The following KRT6C variants were observed in gnomAD, a reference collection of about 807,000 sequenced individuals.
KRT6C encodes keratin 6C.
KRT6C carries 46 observed loss-of-function variants against 49.4 expected under a neutral mutation model. The observed-to-expected ratio is 0.93, with a 90% confidence interval of 0.74 to 1.19. The LOEUF (loss-of-function observed/expected upper bound fraction) is 1.19. Among genes scored for constraint, KRT6C ranks in the 50% most tolerant of loss-of-function variants. The pLI is 0.00. For missense variants in KRT6C, 552 were observed against 737.5 expected (o/e 0.75, Z 2.91); for synonymous variants, 236 against 297.1 (o/e 0.79, Z 2.12).
rs532320680 is a variant in KRT6C, at chr12:52,472,268, C to T, written c.553G>A (p.Glu185Lys). Reference protein sequence around the residue: ...ASFIDKVRFLEQQNKVLDTKW... With the variant: ...ASFIDKVRFLKQQNKVLDTKW... ...GTGTCCAGAACCTTGTTCTGCTGCT[C>T]TAGGAACCGCACCTGGAAGGGAAGC... Residue 185 changes from glutamate (E) to lysine (K), a missense_variant, in exon 2 of 9, where the codon GAG becomes AAG. Glu to Lys is a moderately conservative substitution (Grantham distance 56). Coordinates refer to ENST00000252250, the MANE Select transcript of KRT6C (RefSeq NM_173086.5). 2.8e-6 allele frequency: 4 copies of T among 1,412,778 alleles called. 1 individual carries two copies. The highest frequency in any genetic ancestry group is 3.9e-6 in the Non-Finnish European group (4 of 1,023,244). The allele number at this position is 1,412,778 out of a possible 1,614,324, so 87.5% of individuals were successfully genotyped here. A position where few individuals can be genotyped will look rare whatever the true frequency, so the allele number is the denominator to read the frequency against.
chr12:52,471,010 G>A, intron 5 of KRT6C, 122 bp downstream of exon 5: 3 of 1,503,616 alleles, frequency 2.0e-6, no homozygotes, highest in Non-Finnish European at 2.8e-6. Flanking sequence ...ATAGTGCAGA[G>A]TGCATGTCCT....
Position 52,471,448 on chromosome 12 carries a change from G to C in KRT6C, c.885C>G (p.Ile295Met), listed in dbSNP as rs779013615. Residue 295 changes from isoleucine to methionine, a missense_variant, in exon 4 of 9, where the codon ATC becomes ATG. Physicochemically the swap from Ile to Met is conservative, Grantham distance 10 (BLOSUM62 1). Coordinates refer to ENST00000252250, the MANE Select transcript of KRT6C (RefSeq NM_173086.5). ...QAKADTLTDE[I>M]NFLRALYDAE... ...CATCATACAAGGCTCTCAGGAAGTT[G>C]ATCTCATCTGTGAGAGTGTCTGCCT... 6.2e-6 allele frequency: 10 copies of C among 1,613,824 alleles called. No individual in the cohort carries two copies. Among genetic ancestry groups the C allele is most frequent in the Non-Finnish European group, 8.5e-6 (10 of 1,179,902 alleles).
At chr12:52,470,107 C>G in intron 6 of KRT6C, 1 of 661,044 alleles carries the variant, frequency 1.5e-6, no homozygotes. Context: ...TGAGAATGTG[C>G]GTTGCATCTT....
intron 5 of KRT6C, among the ~76,000 whole-genome samples, 174 bp from the exon 6 acceptor site, chr12:52,470,804 C>T (rs74093592): frequency 0.016 from 2,395 of 152,118 alleles, 39 homozygotes; most frequent in African/African-American, 0.043. Context: ...GAGTCACAGA[C>T]GATCCTCATT....
chr12:52,469,830 C>G lies in KRT6C; in HGVS notation c.1264G>C (p.Asp422His), dbSNP rs777631485. Residue 422 changes from aspartate to histidine, a missense_variant, in exon 7 of 9, where the codon GAT (aspartate) becomes CAT (histidine). Transcript: ENST00000252250. ...AEQRGEMALK[D>H]AKNKLEGLED... is the part of the protein sequence containing the mutation. The stretch of plus-strand genomic sequence containing the variant: ...AGCCCTTCCAGCTTGTTCTTAGCAT[C>G]CTTGAGTGCCATCTCCCCACGCTGC... 1.2e-5 allele frequency: 19 copies of G among 1,614,110 alleles called. No individual in the cohort carries two copies. Among genetic ancestry groups the G allele is most frequent in the Non-Finnish European group, 1.6e-5 (19 of 1,179,990 alleles).
rs1241759879 is a variant in KRT6C at position 52,471,473 on chromosome 12, T to G, written c.860A>C (p.Lys287Thr). ...AYMNKVELQA[K>T]ADTLTDEINF... is the part of the protein sequence containing the mutation. ...GATCTCATCTGTGAGAGTGTCTGCC[T>G]TGGCTTGCAGTTCAACCTTGTTCAT... Residue 287 changes from lysine to threonine, a missense_variant, in exon 4 of 9, where the codon AAG (lysine) becomes ACG (threonine). Around this residue, in one of 3 missense-constraint regions of KRT6C, gnomAD observed 425 missense variants for 439.4 expected, o/e 0.97. Coordinates refer to ENST00000252250, the MANE Select transcript of KRT6C (RefSeq NM_173086.5). The G allele has an allele frequency of 6.2e-7, 1 of 1,613,778 alleles. No homozygotes were observed. Among genetic ancestry groups the G allele is most frequent in the Non-Finnish European group, 8.5e-7 (1 of 1,179,894 alleles).
At chr12:52,472,733 T>G (rs1377724829) in intron 1 of KRT6C, among the ~76,000 whole-genome samples, 1 of 136,860 alleles carries the variant, frequency 7.3e-6, no homozygotes, top group Admixed American at 7.3e-5. Context: ...TTCTCTGTTT[T>G]TAAAATTAAT....
intron 6 of KRT6C, chr12:52,470,158 A>C (rs1274071210): frequency 4.9e-6 from 3 of 609,170 alleles, no homozygotes; most frequent in Non-Finnish European, 8.6e-6. Context: ...AGCCATATGG[A>C]AGATGAATGC....
At chr12:52,469,947 C>T in intron 6 of KRT6C, 57 bp from the exon 7 acceptor site, 1 of 1,600,742 alleles carries the variant, frequency 6.2e-7, no homozygotes. Flanking sequence ...AGGAGGCTGG[C>T]CCTTGTTTAG....
In KRT6C at chr12:52,469,125, G is replaced by A. The variant is rs535062636; in HGVS notation, c.1632C>T (p.Gly544=). ...TGGTGTACTTGATGGTGGAACTGCC[G>A]CCTCCAACAGAGCTGAGGCCACCCC... ...AIGGGLSSVG[G]GSSTIKYTTT... Residue 544 remains glycine, a synonymous_variant, in exon 9 of 9, where the codon GGC becomes GGT. Transcript: ENST00000252250. The A allele has an allele frequency of 2.5e-4, 406 of 1,614,010 alleles. 2 individuals carry two copies. The highest frequency in any genetic ancestry group is 1.7e-3 in the South Asian group (154 of 91,066).
At chr12:52,469,982 A>C in intron 6 of KRT6C, 92 bp from the exon 7 acceptor site, 1 of 1,379,008 alleles carries the variant, frequency 7.3e-7, no homozygotes, top group Non-Finnish European at 1.0e-6. Context: ...GTAACCCAAA[A>C]TTGACAGAGA....
intron 2 of KRT6C, 73 bp from the exon 3 acceptor site, chr12:52,471,805 A>G: frequency 6.5e-7 from 1 of 1,535,142 alleles, no homozygotes; most frequent in Non-Finnish European, 9.0e-7. Context: ...TTGGGATTCA[A>G]CAATTTCCTG....
At position 52,472,088 on chromosome 12, in the gene KRT6C, G is replaced by T. The variant is rs138196052; in HGVS notation, c.733C>A (p.Leu245Met). 184 of 1,597,762 alleles carry T rather than the reference G, an allele frequency of 1.2e-4. 2 individuals carry two copies. Among genetic ancestry groups the T allele is most frequent in the South Asian group, 2.3e-4 (21 of 90,714 alleles). Residue 245 changes from leucine (L) to methionine (M), a missense_variant, in exon 2 of 9, where the codon CTG becomes ATG. Physicochemically the swap from Leu to Met is conservative, Grantham distance 15 (BLOSUM62 2). Around this residue, in one of 3 missense-constraint regions of KRT6C, gnomAD observed 425 missense variants for 439.4 expected, o/e 0.97. Coordinates refer to ENST00000252250, the MANE Select transcript of KRT6C (RefSeq NM_173086.5). ...LDSELRNMQD[L>M]VEDLKNKYED... Reference sequence around the variant, plus strand: ...CACTTGTTCTTGAGGTCCTCCACCAGGTCCTGCATGTTTCTCAGCTCCGAG... The same window carrying T: ...CACTTGTTCTTGAGGTCCTCCACCATGTCCTGCATGTTTCTCAGCTCCGAG...
intron 1 of KRT6C, among the ~76,000 whole-genome samples, chr12:52,472,724 T>G (rs1311008893): frequency 7.3e-6 from 1 of 136,654 alleles, no homozygotes; most frequent in African/African-American, 2.4e-5. Context: ...TTATGGTCAT[T>G]CTCTGTTTTT....
At chr12:52,472,639 A>G (rs2942777) in intron 1 of KRT6C, among the ~76,000 whole-genome samples, 27 of 133,498 alleles carry the variant, frequency 2.0e-4, no homozygotes, top group African/African-American at 5.9e-4. Flanking sequence ...TAGTTAGGAG[A>G]GATATTATAT....
intron 1 of KRT6C, 57 bp from the exon 2 acceptor site, chr12:52,472,337 G>A: frequency 7.4e-7 from 1 of 1,356,274 alleles, no homozygotes; most frequent in Non-Finnish European, 1.0e-6. Flanking sequence ...AAAAGTGTCT[G>A]GTATCCAGTT....
intron 2 of KRT6C, 89 bp downstream of exon 2, chr12:52,471,977 T>G: frequency 7.9e-7 from 1 of 1,268,718 alleles, no homozygotes. Context: ...TTCATTTCCA[T>G]GGACATGGGT....
chr12:52,471,049 G>A, intron 5 of KRT6C, 83 bp downstream of exon 5: 1 of 1,610,278 alleles, frequency 6.2e-7, no homozygotes, highest in Non-Finnish European at 8.5e-7. Flanking sequence ...CCTGTCAGGG[G>A]ATGTCCCCAG....
In KRT6C at chr12:52,471,748, C is replaced by T. The variant is rs192508038; in HGVS notation, c.756-16G>A. The T allele has an allele frequency of 2.0e-4, 328 of 1,613,810 alleles. 1 individual carries two copies. The African/African-American group carries it at 4.0e-3, about 20-fold the overall frequency. On this transcript the variant is annotated splice_polypyrimidine_tract_variant and intron_variant, in intron 2 of 8. Coordinates refer to ENST00000252250, the MANE Select transcript of KRT6C (RefSeq NM_173086.5). ...ATCCTCATATCTACAGGAAGAAAGG[C>T]ATAGGACACATATGAGCCAGTGGGT...
Sources: gnomAD v4.1 joint callset for allele counts (sites outside exome capture counted in the v4.1 genomes callset) on GRCh38, gnomAD v4.1.1 for gene constraint, gnomAD v4.1.1 regional missense constraint, MANE v1.5 for transcripts, NCBI Gene and HGNC (gene_info 2026-07-23, HGNC 2026-07-21) for gene names.